Variants in CARD10 observed in about 807,000 individuals in gnomAD.
CARD10 encodes caspase recruitment domain-containing protein 10.
CARD10 carries 49 observed loss-of-function variants against 114.6 expected under a neutral mutation model. The ratio of observed to expected loss-of-function variants is 0.43; its 90% CI spans 0.34 to 0.54. The LOEUF (loss-of-function observed/expected upper bound fraction) is 0.54. CARD10 is among the 20% of genes least tolerant of loss of function. CARD10 has a pLI of 0.03. For synonymous variants in CARD10, 602 were observed against 593.2 expected, an observed-to-expected ratio of 1.01 and a Z score of -0.21; for missense variants, 1,206 against 1,397.2, an observed-to-expected ratio of 0.86 and a Z score of 2.18.
chr22:37,510,153 C>T, intron 4 of CARD10, 59 bp downstream of exon 4: 1 of 1,477,492 alleles, frequency 6.8e-7, no homozygotes, highest in Non-Finnish European at 9.3e-7. Context: ...GCCCCAGTAC[C>T]TGCTGCAGGC....
In CARD10 at chr22:37,496,371, G is replaced by T; in HGVS notation, c.2059+78C>A. 1.9e-6 allele frequency: 2 copies of T among 1,055,482 alleles called. No individual in the cohort carries two copies. Among genetic ancestry groups the T allele is most frequent in the Non-Finnish European group, 2.8e-6 (2 of 711,340 alleles). The allele number at this position is 1,055,482 out of a possible 1,614,324, so 65.4% of individuals were successfully genotyped here. On this transcript the variant is annotated intron_variant, in intron 13 of 19. Coordinates refer to ENST00000251973, the MANE Select transcript of CARD10 (RefSeq NM_014550.4). This position sits in a 1 kb window ranked among gnomAD's most constrained non-coding sequence, Gnocchi z 4.1. The stretch of plus-strand genomic sequence containing the variant: ...AAGGCTGGTCCCTTCTCAGGTCCTT[G>T]GTCCCTCCCCACCCCATGCACCACG...
intron 16 of CARD10, among the ~76,000 whole-genome samples, chr22:37,493,486 A>G (rs1469495022): frequency 3.3e-5 from 5 of 152,144 alleles, no homozygotes; most frequent in Non-Finnish European, 5.9e-5. Flanking sequence ...CACGTCCCCA[A>G]TGCCTGACAG....
chr22:37,500,584 GAA>G (rs1016122321), intron 11 of CARD10, among the ~76,000 whole-genome samples: 2 of 152,178 alleles, frequency 1.3e-5, no homozygotes, highest in African/African-American at 4.8e-5. Context: ...CAGGAAATGG[GAA>G]AGAGGAGAGA....
In CARD10 at chr22:37,493,345, C is replaced by T. The variant is rs558470553; in HGVS notation, c.2477-543G>A. ...CTTCCCTGGTCCCCAGACATCAGGGCCCCTGGCATGTGCCCCACGGCCCCC... is the reference window on the plus strand; with the variant it reads ...CTTCCCTGGTCCCCAGACATCAGGGTCCCTGGCATGTGCCCCACGGCCCCC... On this transcript the variant is annotated intron_variant, in intron 16 of 19. Coordinates refer to ENST00000251973, the MANE Select transcript of CARD10 (RefSeq NM_014550.4). Among the ~76,000 whole-genome samples, 5 of 152,308 alleles carry T rather than the reference C, an allele frequency of 3.3e-5. No homozygotes were observed. The East Asian group carries it at 5.8e-4, about 18-fold the overall frequency.
At position 37,504,005 on chromosome 22, in the gene CARD10, T is replaced by C. The variant is rs556868423; in HGVS notation, c.1634+181A>G. On this transcript the variant is annotated intron_variant, in intron 9 of 19. Coordinates refer to ENST00000251973, the MANE Select transcript of CARD10 (RefSeq NM_014550.4). ...CTGCCCATCGGCCTTATCTTAAGCC[T>C]GACCTTGGTCGCCCCTGTGACTCAC... 5.0e-5 allele frequency: 36 copies of C among 714,644 alleles called. No homozygotes were observed. The South Asian group carries it at 5.4e-4, about 11-fold the overall frequency. The allele number at this position is 714,644 out of a possible 1,614,324, so 44.3% of individuals were successfully genotyped here. A position where few individuals can be genotyped will look rare whatever the true frequency, so the allele number is the denominator to read the frequency against.
chr22:37,492,527 A>G lies in CARD10; in HGVS notation c.2659T>C (p.Cys887Arg). ...PAESLSGEEL[C>R]PSSAPGAPKA... The stretch of plus-strand genomic sequence containing the variant: ...GGGGCTCCAGGCGCTGAGGATGGGC[A>G]CAGTTCCTCCCCAGAGAGGCTTTCT... The change falls in exon 18 of 20, where the codon TGC (cysteine) becomes CGC (arginine). Residue 887 changes from cysteine to arginine, a missense_variant. Transcript: ENST00000251973. The surrounding 1 kb of genome is among the most constrained non-coding windows in gnomAD (Gnocchi z 5.7). 1 of 1,603,872 alleles carries G rather than the reference A, an allele frequency of 6.2e-7. No homozygotes were observed. The highest frequency in any genetic ancestry group is 2.2e-5 in the East Asian group (1 of 44,728).
chr22:37,519,210 C>T lies in CARD10; in HGVS notation c.-10G>A. 6.6e-7 allele frequency: 1 copy of T among 1,510,060 alleles called. No homozygotes were observed. Among genetic ancestry groups the T allele is most frequent in the South Asian group, 1.2e-5 (1 of 80,562 alleles). The allele number at this position is 1,510,060 out of a possible 1,614,324, so 93.5% of individuals were successfully genotyped here. On this transcript the variant is annotated 5_prime_UTR_variant, in exon 1 of 20. Coordinates refer to ENST00000251973, the MANE Select transcript of CARD10 (RefSeq NM_014550.4). The surrounding 1 kb of genome is among the most constrained non-coding windows in gnomAD (Gnocchi z 4.1). ...CCGCCCGGCCCGGCATGGCCGTGTC[C>T]TCAGGGTCTGCGGGCAAGAGGCGCA...
intron 7 of CARD10, 26 bp from the exon 8 acceptor site, chr22:37,504,795 A>T (rs769601649): frequency 6.8e-7 from 1 of 1,468,396 alleles, no homozygotes; most frequent in South Asian, 1.4e-5. Flanking sequence ...GAGAGGAAGG[A>T]GGTGAGCAGT....
chr22:37,518,194 G>A, intron 1 of CARD10, 86 bp from the exon 2 acceptor site: 2 of 1,382,982 alleles, frequency 1.4e-6, no homozygotes, highest in South Asian at 1.3e-5. Flanking sequence ...CATGCTCCAG[G>A]CCCACGTTCC....
In CARD10 at chr22:37,492,286, C is replaced by T. The variant is rs1248196108; in HGVS notation, c.2751+149G>A. The stretch of plus-strand genomic sequence containing the variant: ...AGGCAACAGGTGAGGAAACTGAAGG[C>T]CACAGGAGGGAAAGGACTTGGCCAG... On this transcript the variant is annotated intron_variant, in intron 18 of 19. Coordinates refer to ENST00000251973, the MANE Select transcript of CARD10 (RefSeq NM_014550.4). This position sits in a 1 kb window ranked among gnomAD's most constrained non-coding sequence, Gnocchi z 5.7. The T allele has an allele frequency of 3.2e-6, 2 of 627,470 alleles. No homozygotes were observed. Among genetic ancestry groups the T allele is most frequent in the Non-Finnish European group, 5.4e-6 (2 of 368,994 alleles). 38.9% of individuals were successfully genotyped at this position (627,470 alleles called of 1,614,324 possible). A position where few individuals can be genotyped will look rare whatever the true frequency, so the allele number is the denominator to read the frequency against.
chr22:37,494,242 G>A (rs543170942), intron 15 of CARD10, 54 bp from the exon 16 acceptor site: 8 of 1,275,886 alleles, frequency 6.3e-6, no homozygotes, highest in South Asian at 2.6e-5. Context: ...CGCCCCCTCA[G>A]GGAGAGGAGG....
chr22:37,503,446 G>A (rs769135172), intron 9 of CARD10, among the ~76,000 whole-genome samples: 9 of 152,130 alleles, frequency 5.9e-5, no homozygotes, highest in Non-Finnish European at 1.2e-4. Flanking sequence ...CACCTACAAT[G>A]CCCTGGCATG....
intron 6 of CARD10, among the ~76,000 whole-genome samples, chr22:37,506,726 G>A (rs1923423810): frequency 6.6e-6 from 1 of 152,048 alleles, no homozygotes; most frequent in Non-Finnish European, 1.5e-5. Context: ...GTGTGCCAGG[G>A]GCTTCACTCC....
At chr22:37,514,976 A>G (rs1337717087) in intron 3 of CARD10, among the ~76,000 whole-genome samples, 1 of 152,222 alleles carries the variant, frequency 6.6e-6, no homozygotes, top group Non-Finnish European at 1.5e-5. Flanking sequence ...TTCCCCACAC[A>G]GGGAGTAGGC....
rs780234703 is a variant in CARD10 at position 37,504,245 on chromosome 22, G to A, written c.1575C>T (p.Pro525=). Residue 525 remains proline (P), a synonymous_variant, in exon 9 of 20, where the codon CCC becomes CCT. Coordinates refer to ENST00000251973, the MANE Select transcript of CARD10 (RefSeq NM_014550.4). The stretch of plus-strand genomic sequence containing the variant: ...GGCGGAGGATGGAGCCGGCACTGGG[G>A]GGGAAGGGCAGGATGGAGAGCCGAT... ...EINRLSILPF[P]PSAGSILRRQ... is the part of the protein sequence containing the mutation. 3 of 1,581,136 alleles carry A rather than the reference G, an allele frequency of 1.9e-6. No individual in the cohort carries two copies. Among genetic ancestry groups the A allele is most frequent in the Non-Finnish European group, 1.7e-6 (2 of 1,162,992 alleles).
Position 37,508,512 on chromosome 22 carries a change from C to G in CARD10, c.1065+15G>C. On this transcript the variant is annotated intron_variant, in intron 5 of 19. Coordinates refer to ENST00000251973, the MANE Select transcript of CARD10 (RefSeq NM_014550.4). ...ACCCTCCCGCACAAGGGGCAGGGCA[C>G]GGGCAGGGCCCCACCTGGTCGCGCA... 6.3e-7 allele frequency: 1 copy of G among 1,577,760 alleles called. No individual in the cohort carries two copies. Among genetic ancestry groups the G allele is most frequent in the Non-Finnish European group, 8.6e-7 (1 of 1,168,106 alleles).
intron 10 of CARD10, 97 bp downstream of exon 10, chr22:37,503,088 G>C (rs1253344274): frequency 7.4e-7 from 1 of 1,346,770 alleles, no homozygotes; most frequent in Non-Finnish European, 1.0e-6. Context: ...AGGGGATGCA[G>C]GCCAAAGGTA....
At chr22:37,503,061 C>T (rs373500565) in intron 10 of CARD10, 124 bp downstream of exon 10, 42 of 1,101,748 alleles carry the variant, frequency 3.8e-5, no homozygotes, top group East Asian at 1.8e-4. Flanking sequence ...GCAGGGGCCA[C>T]GGCGGGGCTT....
intron 6 of CARD10, among the ~76,000 whole-genome samples, chr22:37,507,224 T>C (rs1360051377): frequency 1.3e-5 from 2 of 152,212 alleles, no homozygotes. Context: ...TGAGCTGAGA[T>C]TGCACCACTG....
Sources: allele counts gnomAD v4.1 joint callset (sites outside exome capture counted in the v4.1 genomes callset), GRCh38; gene constraint gnomAD v4.1.1; non-coding constraint Gnocchi (gnomAD v3.1); transcripts MANE v1.5; gene names NCBI Gene and HGNC (gene_info 2026-07-23, HGNC 2026-07-21).